Variants in GSE1 observed in about 807,000 individuals in gnomAD.
The protein encoded by GSE1 is Gse1 coiled-coil protein.
A neutral mutation model predicts 112.6 loss-of-function variants in GSE1; 32 were observed. The ratio of observed to expected loss-of-function variants is 0.28; its 90% CI spans 0.21 to 0.38. The LOEUF (loss-of-function observed/expected upper bound fraction) is 0.38. Ranked by LOEUF, GSE1 falls within the 10% of genes least tolerant of loss-of-function variation. The pLI, the probability that GSE1 is intolerant of heterozygous loss-of-function variation, is 1.00. For missense variants in GSE1, 2,348 were observed against 1,699.2 expected, an observed-to-expected ratio of 1.38 and a Z score of -6.71; for synonymous variants, 1,115 against 735.6, an observed-to-expected ratio of 1.52 and a Z score of -8.35.
chr16:85,603,904 G>A (rs1047029398), intron 1 of GSE1, among the ~76,000 whole-genome samples: 1 of 152,160 alleles, frequency 6.6e-6, no homozygotes, highest in Non-Finnish European at 1.5e-5. Flanking sequence ...TTCCTAATAT[G>A]CAGCCCTCGT....
intron 2 of GSE1, among the ~76,000 whole-genome samples, chr16:85,360,547 A>G (rs557691692): frequency 6.6e-6 from 1 of 152,190 alleles, no homozygotes; most frequent in African/African-American, 2.4e-5. Flanking sequence ...CTAATGGTTT[A>G]TTACACACCT....
At chr16:85,194,456 T>C (rs2074888902) in intron 1 of GSE1, among the ~76,000 whole-genome samples, 1 of 152,158 alleles carries the variant, frequency 6.6e-6, no homozygotes, top group African/African-American at 2.4e-5. Flanking sequence ...AGAGGTTGAT[T>C]GCAAACAATC....
intron 2 of GSE1, among the ~76,000 whole-genome samples, chr16:85,487,950 AC>A (rs1567529506): frequency 6.6e-6 from 1 of 152,112 alleles, no homozygotes; most frequent in African/African-American, 2.4e-5. Context: ...CTAGGGCTAT[AC>A]CCCAGTGCCA....
At chr16:85,485,786 T>C (rs1249712288) in intron 2 of GSE1, among the ~76,000 whole-genome samples, 1 of 152,088 alleles carries the variant, frequency 6.6e-6, no homozygotes, top group African/African-American at 2.4e-5. Flanking sequence ...TCCCTAGGGA[T>C]GGCAGGCAGG....
chr16:85,230,194 C>T (rs1473989294), intron 1 of GSE1, among the ~76,000 whole-genome samples: 2 of 152,198 alleles, frequency 1.3e-5, no homozygotes, highest in East Asian at 1.9e-4. Flanking sequence ...GTCTGGCCTC[C>T]TTTAACCCCA....
At chr16:85,658,559 G>A (rs937884907) in intron 8 of GSE1, among the ~76,000 whole-genome samples, 3 of 152,204 alleles carry the variant, frequency 2.0e-5, no homozygotes, top group Non-Finnish European at 4.4e-5. Flanking sequence ...ATCCAGTAGG[G>A]CAGCGAGGGA....
At chr16:85,556,352 A>G in exon 1 of GSE1, 3 of 984,646 alleles carry the variant, frequency 3.0e-6, no homozygotes, top group Non-Finnish European at 3.6e-6. Context: ...CCGCCTCTGT[A>G]TTACTTACCA....
At chr16:85,215,578 A>G (rs56078619) in intron 1 of GSE1, among the ~76,000 whole-genome samples, 25,968 of 152,144 alleles carry the variant, frequency 0.17, 2,410 homozygotes, top group South Asian at 0.35. Flanking sequence ...AAATAATAAT[A>G]TCTGCCTTAT....
intron 2 of GSE1, among the ~76,000 whole-genome samples, chr16:85,426,694 A>ATAGG (rs1555510165): frequency 0.29 from 11,321 of 38,968 alleles, 797 homozygotes; most frequent in East Asian, 0.59. Flanking sequence ...GGATGGGTAG[A>ATAGG]TGGGTGGGTG....
At chr16:85,255,788 A>G in intron 1 of GSE1, among the ~76,000 whole-genome samples, 1 of 151,990 alleles carries the variant, frequency 6.6e-6, no homozygotes, top group East Asian at 1.9e-4. Context: ...TCCTGCGCTC[A>G]AGCCATCCTC....
intron 15 of GSE1, chr16:85,672,008 T>TC: frequency 4.8e-6 from 1 of 210,132 alleles, no homozygotes; most frequent in Non-Finnish European, 1.0e-5. Flanking sequence ...GGACTTTGTT[T>TC]CTCTTTTTGA....
intron 2 of GSE1, among the ~76,000 whole-genome samples, chr16:85,503,723 A>C (rs1018091794): frequency 6.6e-6 from 1 of 152,098 alleles, no homozygotes; most frequent in Non-Finnish European, 1.5e-5. Context: ...GTCGAAGCAA[A>C]CCTCGCCGAT....
At chr16:85,477,594 T>G (rs1357892743) in intron 2 of GSE1, among the ~76,000 whole-genome samples, 1 of 146,174 alleles carries the variant, frequency 6.8e-6, no homozygotes, top group African/African-American at 2.5e-5. Context: ...GGAGTCTCGC[T>G]CTGTCGCCCA....
chr16:85,184,496 T>C (rs2143353812), intron 1 of GSE1, among the ~76,000 whole-genome samples: 1 of 152,356 alleles, frequency 6.6e-6, no homozygotes, highest in Non-Finnish European at 1.5e-5. Flanking sequence ...TTGCTAAGCA[T>C]TCCCCATATG....
At position 85,423,532 on chromosome 16, in the gene GSE1, G is replaced by A. The variant is rs570790069; in HGVS notation, c.2464+65889G>A. Among the ~76,000 whole-genome samples the A allele has an allele frequency of 4.4e-3, 672 of 152,272 alleles. 2 individuals carry two copies. The highest frequency in any genetic ancestry group is 0.017 in the Middle Eastern group (5 of 294). On this transcript the variant is annotated intron_variant, in intron 2 of 2. Coordinates refer to the GSE1 transcript ENST00000637419. The stretch of plus-strand genomic sequence containing the variant: ...GCAGCCAGGGCCTCAACACAGGCTG[G>A]GGGGCCGCTGAGCCCCTGGAGAGCC...
chr16:85,322,389 C>A (rs1199734861), intron 1 of GSE1, among the ~76,000 whole-genome samples: 1 of 152,098 alleles, frequency 6.6e-6, no homozygotes, highest in African/African-American at 2.4e-5. Context: ...TTGTAACTGG[C>A]CACACTGTTT....
chr16:85,529,109 A>G (rs1039015596), intron 2 of GSE1, among the ~76,000 whole-genome samples: 3 of 152,024 alleles, frequency 2.0e-5, no homozygotes, highest in African/African-American at 7.3e-5. Context: ...CGGCGCCTGC[A>G]GTTGTCCAGG....
At chr16:85,268,383 C>T (rs140737247) in intron 1 of GSE1, among the ~76,000 whole-genome samples, 2 of 152,310 alleles carry the variant, frequency 1.3e-5, no homozygotes, top group East Asian at 1.9e-4. Context: ...CGCGCCGAGC[C>T]CCCCAGTGAT....
chr16:85,523,085 GC>G (rs1347751334), intron 2 of GSE1, among the ~76,000 whole-genome samples: 6 of 151,308 alleles, frequency 4.0e-5, no homozygotes, highest in Middle Eastern at 3.4e-3. Flanking sequence ...GTTGTGTGTG[GC>G]CTGTGTGTGT....
Sources: allele counts gnomAD v4.1 joint callset (sites outside exome capture counted in the v4.1 genomes callset), GRCh38; gene constraint gnomAD v4.1.1; transcripts MANE v1.5; gene names NCBI Gene and HGNC (gene_info 2026-07-23, HGNC 2026-07-21).